Variants in DPP10 observed in about 807,000 individuals in gnomAD.
DPP10 encodes dipeptidyl peptidase like 10.
Under a neutral mutation model 120.9 loss-of-function variants are expected in DPP10, and 33 were observed. That is an observed-to-expected ratio of 0.27 (90% CI 0.21 to 0.37). The LOEUF (loss-of-function observed/expected upper bound fraction) is 0.37, where lower values mean the gene tolerates loss of function less well. DPP10 is among the 10% of genes least tolerant of loss of function. DPP10 has a pLI of 1.00. For synonymous variants in DPP10, 337 were observed against 326.1 expected, an observed-to-expected ratio of 1.03 and a Z score of -0.36; for missense variants, 816 against 942.8, an observed-to-expected ratio of 0.87 and a Z score of 1.76.
intron 1 of DPP10, among the ~76,000 whole-genome samples, chr2:114,804,974 CAT>C (rs1265095785): frequency 1.3e-5 from 2 of 152,142 alleles, no homozygotes; most frequent in Non-Finnish European, 2.9e-5. Context: ...AGAATTCCCA[CAT>C]GTTGTGGGAG....
intron 3 of DPP10, among the ~76,000 whole-genome samples, chr2:115,346,356 AAGC>A (rs1227252404): frequency 6.6e-6 from 1 of 152,132 alleles, no homozygotes; most frequent in African/African-American, 2.4e-5. Flanking sequence ...GCTTATTTGG[AAGC>A]ATCATTTAAT....
intron 1 of DPP10, among the ~76,000 whole-genome samples, chr2:114,788,389 A>C (rs1314947433): frequency 6.6e-6 from 1 of 151,746 alleles, no homozygotes; most frequent in Non-Finnish European, 1.5e-5. Context: ...CAGTAGTTGA[A>C]TTATTGCACA....
intron 1 of DPP10, among the ~76,000 whole-genome samples, chr2:114,502,096 C>T (rs1244440359): frequency 1.3e-5 from 2 of 151,750 alleles, no homozygotes; most frequent in African/African-American, 2.4e-5. Flanking sequence ...CCACCACGCT[C>T]AGCTAATTTT....
chr2:115,070,279 A>G (rs1707261509), intron 1 of DPP10, among the ~76,000 whole-genome samples: 1 of 152,150 alleles, frequency 6.6e-6, no homozygotes, highest in African/African-American at 2.4e-5. Context: ...AAATAGCACC[A>G]AGAGGAATGT....
At chr2:114,891,654 G>A (rs1692555094) in intron 1 of DPP10, among the ~76,000 whole-genome samples, 1 of 152,142 alleles carries the variant, frequency 6.6e-6, no homozygotes, top group Non-Finnish European at 1.5e-5. Context: ...TATCAAAAGA[G>A]GGCATAATCA....
chr2:114,541,247 T>G (rs934491445), intron 1 of DPP10, among the ~76,000 whole-genome samples: 2 of 152,214 alleles, frequency 1.3e-5, no homozygotes, highest in African/African-American at 4.8e-5. Context: ...CCTGACATAC[T>G]CGGGGGGTCT....
intron 1 of DPP10, among the ~76,000 whole-genome samples, chr2:115,262,534 C>T (rs939914909): frequency 6.6e-6 from 1 of 151,946 alleles, no homozygotes; most frequent in African/African-American, 2.4e-5. Context: ...ATATGTACAT[C>T]TACATATTAA....
At chr2:114,993,380 C>T (rs1343355953) in intron 1 of DPP10, among the ~76,000 whole-genome samples, 1 of 150,068 alleles carries the variant, frequency 6.7e-6, no homozygotes, top group East Asian at 2.0e-4. Flanking sequence ...TTTTTTTCCA[C>T]ACAGATGAAT....
intron 19 of DPP10, among the ~76,000 whole-genome samples, chr2:115,812,642 A>G (rs1403052815): frequency 6.6e-6 from 1 of 152,214 alleles, no homozygotes; most frequent in Non-Finnish European, 1.5e-5. Context: ...AAGAAAAGAG[A>G]AAATATCTAG....
rs57028714 is a variant in DPP10 at position 114,637,236 on chromosome 2, G to C, written c.60+194398G>C. 4.8e-3 allele frequency among the ~76,000 whole-genome samples: 725 copies of C among 151,912 alleles called. 23 individuals carry two copies. Among genetic ancestry groups the C allele is most frequent in the African/African-American group, 0.017 (700 of 41,234 alleles). On this transcript the variant is annotated intron_variant, in intron 1 of 25. Transcript: ENST00000410059. ...ATATAAATAATTATATTTCGTTAAT[G>C]CTTTTTACCACATAGGTGATGATTA...
chr2:115,761,682 G>A (rs1206444253), intron 11 of DPP10, among the ~76,000 whole-genome samples: 2 of 151,522 alleles, frequency 1.3e-5, no homozygotes, highest in African/African-American at 2.4e-5. Context: ...TTCACGTAAT[G>A]AAGATCTATT....
chr2:115,835,003 G>T (rs924723577), intron 21 of DPP10, among the ~76,000 whole-genome samples: 6 of 150,304 alleles, frequency 4.0e-5, no homozygotes, highest in Non-Finnish European at 4.5e-5. Flanking sequence ...GGAGAATGGC[G>T]TGAACCCGGG....
rs1352023353 is a variant in DPP10 at position 115,816,892 on chromosome 2, G to A, written c.1950+1163G>A. ...GGCCTCCCAAAGTGCTGGGATTACA[G>A]GTGTGAGCCACCGTGCCCAGCCTAT... is the stretch of plus-strand genomic sequence containing the variant. On this transcript the variant is annotated intron_variant, in intron 21 of 25. Coordinates refer to ENST00000410059, the MANE Select transcript of DPP10 (RefSeq NM_020868.6). Among the ~76,000 whole-genome samples the A allele has an allele frequency of 5.3e-5, 8 of 150,506 alleles. No homozygotes were observed. The East Asian group carries it at 1.6e-3, about 30-fold the overall frequency.
intron 21 of DPP10, among the ~76,000 whole-genome samples, chr2:115,835,196 C>T (rs1689348849): frequency 6.6e-6 from 1 of 151,426 alleles, no homozygotes; most frequent in South Asian, 2.1e-4. Context: ...CTCCTTTGTA[C>T]ATGGGATAGA....
At chr2:114,502,093 G>A (rs145592230) in intron 1 of DPP10, among the ~76,000 whole-genome samples, 5 of 151,732 alleles carry the variant, frequency 3.3e-5, no homozygotes, top group African/African-American at 9.7e-5. Flanking sequence ...GCACCACCAC[G>A]CTCAGCTAAT....
At chr2:115,593,980 T>C (rs2082838302) in intron 5 of DPP10, among the ~76,000 whole-genome samples, 1 of 152,200 alleles carries the variant, frequency 6.6e-6, no homozygotes. Flanking sequence ...ATGAAGTGGG[T>C]AAATTCCTCT....
intron 1 of DPP10, among the ~76,000 whole-genome samples, chr2:114,877,136 A>G (rs1490930240): frequency 1.3e-5 from 2 of 152,050 alleles, no homozygotes; most frequent in Non-Finnish European, 2.9e-5. Flanking sequence ...TTGTGTATGT[A>G]TATGTATTTT....
chr2:114,570,096 C>T (rs1362770385), intron 1 of DPP10, among the ~76,000 whole-genome samples: 1 of 152,206 alleles, frequency 6.6e-6, no homozygotes, highest in Non-Finnish European at 1.5e-5. Context: ...GTCTCCTTCT[C>T]TTCTTTCCTC....
chr2:115,033,706 T>A (rs1176757830), intron 1 of DPP10, among the ~76,000 whole-genome samples: 1 of 150,374 alleles, frequency 6.7e-6, no homozygotes, highest in Non-Finnish European at 1.5e-5. Context: ...CCTTTTTTTT[T>A]TTTTTATTTT....
Sources: gnomAD v4.1 joint callset for allele counts (sites outside exome capture counted in the v4.1 genomes callset) on GRCh38, gnomAD v4.1.1 for gene constraint, MANE v1.5 for transcripts, NCBI Gene and HGNC (gene_info 2026-07-23, HGNC 2026-07-21) for gene names.